The following ODAD2 variants were observed in gnomAD, a reference collection of about 807,000 sequenced individuals.
ODAD2 encodes the protein outer dynein arm-docking complex subunit 2.
ODAD2 carries 89 observed loss-of-function variants against 106.8 expected under a neutral mutation model. The observed-to-expected ratio is 0.83, with a 90% CI of 0.70 to 0.99. The LOEUF (loss-of-function observed/expected upper bound fraction) is 0.99, where lower values mean the gene tolerates loss of function less well. Among genes scored for constraint, ODAD2 ranks in the 50% least tolerant of loss-of-function variants. The pLI, the probability that ODAD2 is intolerant of heterozygous loss-of-function variation, is 0.00. For missense variants in ODAD2, 1,168 were observed against 1,238.5 expected, an observed-to-expected ratio of 0.94 and a Z score of 0.85; for synonymous variants, 404 against 436.2, an observed-to-expected ratio of 0.93 and a Z score of 0.92.
intron 17 of ODAD2, among the ~76,000 whole-genome samples, chr10:27,891,064 A>G (rs1221633353): frequency 1.3e-5 from 2 of 152,150 alleles, no homozygotes; most frequent in Non-Finnish European, 2.9e-5. Context: ...AAACCCCTCC[A>G]CAAGCCTTCT....
intron 17 of ODAD2, among the ~76,000 whole-genome samples, chr10:27,894,586 A>AT (rs1053515294): frequency 1.4e-4 from 22 of 151,908 alleles, no homozygotes; most frequent in Non-Finnish European, 2.4e-4. Flanking sequence ...CTTAAAAGAA[A>AT]TTTTTTTTGA....
intron 17 of ODAD2, among the ~76,000 whole-genome samples, chr10:27,887,854 G>GA (rs1422067298): frequency 1.8e-4 from 28 of 151,938 alleles, no homozygotes; most frequent in Non-Finnish European, 3.8e-4. Flanking sequence ...AAAGTGGGAA[G>GA]ACCCAAATAA....
chr10:27,868,895 AG>A lies in ODAD2; in HGVS notation c.2611-6274del, dbSNP rs577753361. On this transcript the variant is annotated intron_variant, in intron 17 of 19. Coordinates refer to ENST00000305242, the MANE Select transcript of ODAD2 (RefSeq NM_018076.5). ...AAAATTTTCCTGTAAACATAAAAAA[AG>A]AGAATAAGGAGCAAAATCATGCTCT... Among the ~76,000 whole-genome samples the A allele has an allele frequency of 5.6e-3, 853 of 152,070 alleles. 8 individuals carry two copies. Among genetic ancestry groups the A allele is most frequent in the African/African-American group, 0.02 (825 of 41,580 alleles).
At chr10:27,857,917 C>T (rs796313360) in intron 19 of ODAD2, among the ~76,000 whole-genome samples, 71 of 152,248 alleles carry the variant, frequency 4.7e-4, no homozygotes, top group African/African-American at 1.5e-3. Flanking sequence ...GACGAGAAGT[C>T]GGCAGCAGGA....
chr10:27,933,570 C>A (rs1230327726), intron 16 of ODAD2, among the ~76,000 whole-genome samples: 1 of 152,028 alleles, frequency 6.6e-6, no homozygotes, highest in Non-Finnish European at 1.5e-5. Flanking sequence ...GATGACAGAG[C>A]CCAACTGAGA....
intron 9 of ODAD2, among the ~76,000 whole-genome samples, chr10:27,967,435 T>C (rs1848553953): frequency 6.6e-6 from 1 of 152,202 alleles, no homozygotes; most frequent in African/African-American, 2.4e-5. Flanking sequence ...AGGTGGAGCA[T>C]GAACTCCCAC....
At chr10:27,970,617 A>G (rs975906769) in intron 8 of ODAD2, among the ~76,000 whole-genome samples, 6 of 152,160 alleles carry the variant, frequency 3.9e-5, no homozygotes, top group Non-Finnish European at 8.8e-5. Context: ...GAAAGGAATC[A>G]ACCTGCGCCT....
chr10:27,937,004 G>T, intron 14 of ODAD2, 124 bp from the exon 15 acceptor site: 2 of 848,840 alleles, frequency 2.4e-6, no homozygotes, highest in Admixed American at 3.2e-5. Context: ...TTCGAAAGAT[G>T]CCTCCAAGTA....
intron 19 of ODAD2, among the ~76,000 whole-genome samples, chr10:27,848,942 A>G (rs570749370): frequency 6.6e-6 from 1 of 152,250 alleles, no homozygotes; most frequent in African/African-American, 2.4e-5. Context: ...GAACACTTTT[A>G]CACTGTTAGT....
intron 19 of ODAD2, among the ~76,000 whole-genome samples, chr10:27,856,252 TCACAC>T (rs1839646506): frequency 6.6e-6 from 1 of 151,790 alleles, no homozygotes. Flanking sequence ...AATATTCCTA[TCACAC>T]TGTATTGGAG....
chr10:27,852,526 C>T (rs765150424), intron 19 of ODAD2, among the ~76,000 whole-genome samples: 21 of 151,458 alleles, frequency 1.4e-4, no homozygotes, highest in African/African-American at 2.4e-4. Context: ...AATGACAACA[C>T]GGAATAATAA....
At chr10:27,956,279 T>C (rs1176360088) in intron 10 of ODAD2, among the ~76,000 whole-genome samples, 1 of 152,096 alleles carries the variant, frequency 6.6e-6, no homozygotes, top group Non-Finnish European at 1.5e-5. Context: ...TCCAAATCAA[T>C]GCTTTCATCA....
At chr10:27,921,834 T>A (rs552879836) in intron 16 of ODAD2, among the ~76,000 whole-genome samples, 23 of 146,036 alleles carry the variant, frequency 1.6e-4, no homozygotes, top group Non-Finnish European at 1.5e-4. Context: ...GAGCAGTATT[T>A]TATTTTTTTT....
At chr10:27,833,728 G>T (rs752728393) in intron 19 of ODAD2, among the ~76,000 whole-genome samples, 1 of 152,164 alleles carries the variant, frequency 6.6e-6, no homozygotes, top group Admixed American at 6.5e-5. Flanking sequence ...GGAAATGCAG[G>T]AGTAGACAAG....
intron 16 of ODAD2, among the ~76,000 whole-genome samples, chr10:27,920,309 T>C (rs1022801393): frequency 2.0e-5 from 3 of 152,218 alleles, no homozygotes; most frequent in African/African-American, 7.2e-5. Flanking sequence ...TTTTAAAGGC[T>C]TTTTATTTTA....
At chr10:27,863,484 G>A (rs1342195503) in intron 17 of ODAD2, among the ~76,000 whole-genome samples, 5 of 152,194 alleles carry the variant, frequency 3.3e-5, no homozygotes, top group Non-Finnish European at 5.9e-5. Context: ...TGACCATATT[G>A]AGTAGGGGGT....
intron 2 of ODAD2, among the ~76,000 whole-genome samples, chr10:27,990,566 C>T (rs1450310258): frequency 6.6e-6 from 1 of 152,178 alleles, no homozygotes; most frequent in Non-Finnish European, 1.5e-5. Flanking sequence ...TCCTCAGGGA[C>T]AAAAAATAAA....
intron 16 of ODAD2, among the ~76,000 whole-genome samples, chr10:27,908,241 A>G (rs772159007): frequency 6.6e-6 from 1 of 152,194 alleles, no homozygotes; most frequent in Non-Finnish European, 1.5e-5. Flanking sequence ...TAGCATTAGG[A>G]ATTAAAATCA....
chr10:27,877,702 T>C (rs530507298), intron 17 of ODAD2, among the ~76,000 whole-genome samples: 23 of 152,288 alleles, frequency 1.5e-4, no homozygotes, highest in Middle Eastern at 3.4e-3. Context: ...CCTTCTCACA[T>C]GTCTTAAAAA....
Sources: gnomAD v4.1 joint callset for allele counts (sites outside exome capture counted in the v4.1 genomes callset) on GRCh38, gnomAD v4.1.1 for gene constraint, MANE v1.5 for transcripts, NCBI Gene and HGNC (gene_info 2026-07-23, HGNC 2026-07-21) for gene names.